The following SCAPER variants were observed in gnomAD, a reference collection of about 807,000 sequenced individuals.
SCAPER encodes S phase cyclin A-associated protein in the endoplasmic reticulum.
SCAPER carries 98 observed loss-of-function variants against 182.2 expected under a neutral mutation model. That is an observed-to-expected ratio of 0.54 (90% CI 0.46 to 0.64). The LOEUF (loss-of-function observed/expected upper bound fraction) is 0.64, where lower values mean the gene tolerates loss of function less well. Ranked by LOEUF, SCAPER falls within the 30% of genes least tolerant of loss-of-function variation. The pLI is 0.00. For synonymous variants in SCAPER, 605 were observed against 564.6 expected (o/e 1.07, Z -1.01); for missense variants, 1,432 against 1,690.0 (o/e 0.85, Z 2.68).
At chr15:76,659,355 C>T (rs761112842) in intron 21 of SCAPER, among the ~76,000 whole-genome samples, 3 of 152,072 alleles carry the variant, frequency 2.0e-5, no homozygotes, top group Non-Finnish European at 4.4e-5. Flanking sequence ...ACTGCAGTCT[C>T]GACCTCCCAG....
intron 21 of SCAPER, among the ~76,000 whole-genome samples, chr15:76,650,372 T>C (rs1294755754): frequency 2.0e-5 from 3 of 151,804 alleles, no homozygotes; most frequent in African/African-American, 4.8e-5. Context: ...AATAATGCTA[T>C]TAATATTACA....
intron 23 of SCAPER, among the ~76,000 whole-genome samples, chr15:76,572,272 G>A (rs141489661): frequency 6.6e-6 from 1 of 152,226 alleles, no homozygotes; most frequent in East Asian, 1.9e-4. Context: ...TCAAGCAATT[G>A]CCTTTTAATT....
chr15:76,582,888 C>A (rs562004815), intron 22 of SCAPER, among the ~76,000 whole-genome samples: 2 of 152,058 alleles, frequency 1.3e-5, no homozygotes, highest in South Asian at 2.1e-4. Context: ...TAAATGGTGC[C>A]GAGAGAACTG....
intron 23 of SCAPER, chr15:76,567,416 AAT>A: frequency 2.3e-6 from 1 of 433,776 alleles, no homozygotes. Context: ...CTAGAAGTGA[AAT>A]ATGATACACA....
chr15:76,831,721 T>C (rs916306071), intron 5 of SCAPER, among the ~76,000 whole-genome samples: 3 of 152,082 alleles, frequency 2.0e-5, no homozygotes, highest in Non-Finnish European at 2.9e-5. Context: ...GGAGCATATT[T>C]GCTAGCAGCC....
intron 23 of SCAPER, among the ~76,000 whole-genome samples, chr15:76,510,780 T>C (rs1385086520): frequency 3.9e-5 from 6 of 152,272 alleles, no homozygotes; most frequent in Admixed American, 3.3e-4. Flanking sequence ...CGCATGTTTA[T>C]AGCAGCACAA....
intron 6 of SCAPER, among the ~76,000 whole-genome samples, chr15:76,802,268 A>G (rs1308166964): frequency 2.0e-5 from 3 of 152,208 alleles, no homozygotes; most frequent in Non-Finnish European, 4.4e-5. Flanking sequence ...TAGACCCGGT[A>G]TAGGCTCTCA....
At position 76,701,791 on chromosome 15, in the gene SCAPER, G is replaced by A. The variant is rs774220936; in HGVS notation, c.2475C>T (p.Ser825=). Residue 825 remains serine (S), a synonymous_variant, in exon 20 of 32, where the codon AGC becomes AGT. Transcript: ENST00000563290. The part of the protein sequence containing the change: ...KHQQAVRENT[S]IQGRELSDEE... ...CATCTGACAGTTCACGCCCCTGGATGCTGGTATTCTCTCTCACGGCTTGCT... is the reference window on the plus strand; with the variant it reads ...CATCTGACAGTTCACGCCCCTGGATACTGGTATTCTCTCTCACGGCTTGCT... The A allele has an allele frequency of 3.3e-5, 54 of 1,613,708 alleles. No individual in the cohort carries two copies. The highest frequency in any genetic ancestry group is 4.0e-5 in the Non-Finnish European group (47 of 1,179,800).
At chr15:76,685,134 A>C (rs947419057) in intron 20 of SCAPER, among the ~76,000 whole-genome samples, 8 of 152,052 alleles carry the variant, frequency 5.3e-5, no homozygotes, top group African/African-American at 1.4e-4. Context: ...CAACAAATCC[A>C]TAAGCCAATA....
chr15:76,860,660 A>G (rs2071795436), intron 3 of SCAPER, among the ~76,000 whole-genome samples: 1 of 152,222 alleles, frequency 6.6e-6, no homozygotes, highest in Non-Finnish European at 1.5e-5. Context: ...CTTGTTAGCT[A>G]TAAGGAAAAA....
chr15:76,601,192 T>C lies in SCAPER; in HGVS notation c.2711+20572A>G, dbSNP rs1023330327. Among the ~76,000 whole-genome samples the C allele has an allele frequency of 7.4e-5, 9 of 122,084 alleles. 2 individuals carry two copies. Among genetic ancestry groups the C allele is most frequent in the African/African-American group, 2.3e-4 (9 of 39,868 alleles). The allele number at this position is 122,084 out of a possible 152,430, so 80.1% of individuals were successfully genotyped here. On this transcript the variant is annotated intron_variant, in intron 22 of 31. Transcript: ENST00000563290. ...GGGTGATGGATGTTGTCAAACATTTTTTCTCCATCTAATGATACGTATGTG... is the reference window on the plus strand; with the variant it reads ...GGGTGATGGATGTTGTCAAACATTTCTTCTCCATCTAATGATACGTATGTG...
chr15:76,451,828 T>C (rs1361287964), intron 25 of SCAPER, among the ~76,000 whole-genome samples: 1 of 152,212 alleles, frequency 6.6e-6, no homozygotes, highest in African/African-American at 2.4e-5. Context: ...CATGCCTTGC[T>C]ATATGTAAAT....
chr15:76,830,739 C>G (rs527386920), intron 5 of SCAPER, among the ~76,000 whole-genome samples: 1 of 151,824 alleles, frequency 6.6e-6, no homozygotes, highest in South Asian at 2.1e-4. Context: ...GACAGAAGAG[C>G]CAAAATGGCC....
chr15:76,713,636 G>C (rs796369004), intron 17 of SCAPER, among the ~76,000 whole-genome samples: 1 of 151,932 alleles, frequency 6.6e-6, no homozygotes, highest in South Asian at 2.1e-4. Context: ...TTGTGGGGTG[G>C]GGGGAGAGGG....
intron 15 of SCAPER, among the ~76,000 whole-genome samples, chr15:76,750,916 G>A (rs2062049492): frequency 6.6e-6 from 1 of 151,688 alleles, no homozygotes; most frequent in Admixed American, 6.6e-5. Flanking sequence ...AAAAGAAATA[G>A]TGCCCAAATT....
intron 22 of SCAPER, among the ~76,000 whole-genome samples, chr15:76,600,454 T>TA (rs1491317112): frequency 0.25 from 1,901 of 7,508 alleles, 186 homozygotes; most frequent in Middle Eastern, 0.5. Flanking sequence ...TATATATATA[T>TA]TTTTTTTTTT....
Position 76,458,233 on chromosome 15 carries a change from T to C in SCAPER, c.3078+12979A>G, listed in dbSNP as rs529026535. On this transcript the variant is annotated intron_variant, in intron 25 of 31. Coordinates refer to ENST00000563290, the MANE Select transcript of SCAPER (RefSeq NM_020843.4). ...ATAGATATATATACACACACACACA[T>C]ATACCCACACATACAGACTCCACAT... is the stretch of plus-strand genomic sequence containing the variant. 1.4e-4 allele frequency among the ~76,000 whole-genome samples: 22 copies of C among 151,838 alleles called. No homozygotes were observed. The South Asian group carries it at 1.5e-3, about 10-fold the overall frequency.
At chr15:76,635,644 A>G (rs1367377244) in intron 21 of SCAPER, among the ~76,000 whole-genome samples, 1 of 152,168 alleles carries the variant, frequency 6.6e-6, no homozygotes. Context: ...TCCTGATCTT[A>G]GGGGGAAAGC....
intron 24 of SCAPER, among the ~76,000 whole-genome samples, chr15:76,496,727 T>C (rs1428032030): frequency 6.6e-6 from 1 of 152,208 alleles, no homozygotes; most frequent in Non-Finnish European, 1.5e-5. Context: ...TTATAGAGTA[T>C]ACTTTCTCTC....
Sources: gnomAD v4.1 joint callset for allele counts (sites outside exome capture counted in the v4.1 genomes callset) on GRCh38, gnomAD v4.1.1 for gene constraint, MANE v1.5 for transcripts, NCBI Gene and HGNC (gene_info 2026-07-23, HGNC 2026-07-21) for gene names.